The following MCF2L variants were observed in gnomAD, a reference collection of about 807,000 sequenced individuals.
MCF2L encodes MCF.2 cell line derived transforming sequence like, also known as guanine nucleotide exchange factor DBS.
Under a neutral mutation model 153.4 loss-of-function variants are expected in MCF2L, and 97 were observed. The ratio of observed to expected loss-of-function variants is 0.63; its 90% CI spans 0.54 to 0.75. The LOEUF (loss-of-function observed/expected upper bound fraction) is 0.75, where lower values mean the gene tolerates loss of function less well. MCF2L is among the 30% of genes least tolerant of loss of function. The pLI, the probability that MCF2L is intolerant of heterozygous loss-of-function variation, is 0.00. For missense variants in MCF2L, 1,347 were observed against 1,495.2 expected, an observed-to-expected ratio of 0.90 and a Z score of 1.64; for synonymous variants, 659 against 632.2, an observed-to-expected ratio of 1.04 and a Z score of -0.64.
At chr13:113,002,030 G>C in intron 1 of MCF2L, 1 of 1,503,184 alleles carries the variant, frequency 6.7e-7, no homozygotes, top group Non-Finnish European at 8.8e-7. Context: ...AGGTGTTGTG[G>C]GGCGACAGTG....
At chr13:112,984,424 G>A (rs1396361061) in intron 1 of MCF2L, among the ~76,000 whole-genome samples, 1 of 152,088 alleles carries the variant, frequency 6.6e-6, no homozygotes, top group African/African-American at 2.4e-5. Flanking sequence ...TTTTAGTAGA[G>A]ATGGAGTTTC....
At position 113,092,648 on chromosome 13, in the gene MCF2L, C is replaced by T. The variant is rs369640071; in HGVS notation, c.2954-1866C>T. 1.6e-3 allele frequency among the ~76,000 whole-genome samples: 243 copies of T among 152,370 alleles called. 1 individual carries two copies. Among genetic ancestry groups the T allele is most frequent in the African/African-American group, 5.5e-3 (227 of 41,598 alleles). On this transcript the variant is annotated intron_variant, in intron 26 of 29. Coordinates refer to ENST00000535094, the MANE Select transcript of MCF2L (RefSeq NM_001112732.3). ...TTTTACAGAAAACAGAGGGCACCTTCCTGGCCATCACCCGGCCTCCTGCCT... is the reference window on the plus strand; with the variant it reads ...TTTTACAGAAAACAGAGGGCACCTTTCTGGCCATCACCCGGCCTCCTGCCT...
At chr13:112,971,967 G>A (rs552686960) in intron 1 of MCF2L, among the ~76,000 whole-genome samples, 5 of 152,342 alleles carry the variant, frequency 3.3e-5, no homozygotes, top group African/African-American at 7.2e-5. Flanking sequence ...ATGTACATGC[G>A]TCACCTTGGG....
chr13:113,065,102 C>G lies in MCF2L; in HGVS notation c.756+17C>G. ...AAGGCGAAGGTACATGGGGGGTGCT[C>G]CGGCTGGAAGCTGTGGGGGGCTCCG... On this transcript the variant is annotated intron_variant, in intron 7 of 29. Transcript: ENST00000535094. The G allele has an allele frequency of 6.2e-7, 1 of 1,600,374 alleles. No homozygotes were observed. The highest frequency in any genetic ancestry group is 8.5e-7 in the Non-Finnish European group (1 of 1,175,086).
chr13:112,996,469 G>A (rs1349728979), intron 1 of MCF2L, among the ~76,000 whole-genome samples: 3 of 152,174 alleles, frequency 2.0e-5, no homozygotes, highest in Admixed American at 6.5e-5. Flanking sequence ...GGGCTGGGAC[G>A]GGCCAGGCTC....
intron 1 of MCF2L, among the ~76,000 whole-genome samples, chr13:112,894,731 G>A (rs2081049302): frequency 6.6e-6 from 1 of 152,218 alleles, no homozygotes; most frequent in South Asian, 2.1e-4. Context: ...GCATTGTCAC[G>A]GGGGCCCTCA....
At chr13:112,898,799 G>C (rs774255166) in intron 1 of MCF2L, among the ~76,000 whole-genome samples, 4 of 151,996 alleles carry the variant, frequency 2.6e-5, no homozygotes, top group Non-Finnish European at 5.9e-5. Flanking sequence ...TTCTCTCCTC[G>C]GGATCCCTCC....
At chr13:112,897,863 G>A (rs1381894065) in intron 1 of MCF2L, among the ~76,000 whole-genome samples, 5 of 152,188 alleles carry the variant, frequency 3.3e-5, no homozygotes, top group East Asian at 1.9e-4. Flanking sequence ...GGGGACTGGA[G>A]TGAGGGCTGC....
intron 1 of MCF2L, among the ~76,000 whole-genome samples, chr13:112,989,863 CTT>C (rs1299175130): frequency 1.3e-5 from 2 of 152,264 alleles, no homozygotes; most frequent in Non-Finnish European, 2.9e-5. Context: ...TGGAAGATAA[CTT>C]TTCCACAGAT....
intron 2 of MCF2L, among the ~76,000 whole-genome samples, chr13:112,931,066 G>A (rs6577018): frequency 0.18 from 27,375 of 152,222 alleles, 2,508 homozygotes; most frequent in South Asian, 0.23. Flanking sequence ...TCACCTGAGC[G>A]GTTCAGCGTG....
intron 1 of MCF2L, among the ~76,000 whole-genome samples, chr13:112,997,790 G>GC (rs2083200773): frequency 6.6e-6 from 1 of 152,244 alleles, no homozygotes; most frequent in African/African-American, 2.4e-5. Flanking sequence ...CGGGCCTCAG[G>GC]CCCCCCGGGT....
At position 113,082,428 on chromosome 13, in the gene MCF2L, G is replaced by C; in HGVS notation, c.1877G>C (p.Gly626Ala). The change falls in exon 17 of 30, where the codon GGC becomes GCC. Residue 626 changes from glycine (G) to alanine (A), a missense_variant and splice_region_variant. Physicochemically the swap from Gly to Ala is moderately conservative, Grantham distance 60. Transcript: ENST00000535094. The stretch of plus-strand genomic sequence containing the variant: ...CCGACCTCTGCGCTCTCCCTGCAGG[G>C]CTACGCCGCGGAGATGGATAACCCA... ...YVEELLCVLE[G>A]YAAEMDNPLM... The C allele has an allele frequency of 6.2e-7, 1 of 1,608,402 alleles. No individual in the cohort carries two copies. The highest frequency in any genetic ancestry group is 1.3e-5 in the African/African-American group (1 of 74,932).
intron 2 of MCF2L, among the ~76,000 whole-genome samples, chr13:112,920,470 T>C (rs946926075): frequency 5.3e-5 from 8 of 152,056 alleles, no homozygotes; most frequent in Non-Finnish European, 8.8e-5. Context: ...TGAGATTTGG[T>C]TAAATGCAGA....
chr13:113,088,829 C>T (rs2034898617), intron 25 of MCF2L, among the ~76,000 whole-genome samples: 1 of 152,226 alleles, frequency 6.6e-6, no homozygotes, highest in African/African-American at 2.4e-5. Flanking sequence ...TGCCCAGTCC[C>T]TCTCCAGCTC....
chr13:112,927,367 A>G lies in MCF2L; in HGVS notation c.169+24996A>G, dbSNP rs1469278925. 2.0e-5 allele frequency among the ~76,000 whole-genome samples: 3 copies of G among 152,208 alleles called. 1 individual carries two copies. Among genetic ancestry groups the G allele is most frequent in the Admixed American group, 2.0e-4 (3 of 15,280 alleles). ...AGTCCAGTGTCTTTTATCGTAAAATACATGGTTTCTAGACCTGTCCATGGA... is the reference window on the plus strand; with the variant it reads ...AGTCCAGTGTCTTTTATCGTAAAATGCATGGTTTCTAGACCTGTCCATGGA... On this transcript the variant is annotated intron_variant, in intron 2 of 29. Coordinates refer to the MCF2L transcript ENST00000375608.
rs895759204 is a variant in MCF2L, at chr13:113,088,648, C to T, written c.2834+20C>T. 8 of 1,599,768 alleles carry T rather than the reference C, an allele frequency of 5.0e-6. No individual in the cohort carries two copies. The highest frequency in any genetic ancestry group is 1.7e-5 in the Admixed American group (1 of 59,336). On this transcript the variant is annotated intron_variant, in intron 25 of 29. Transcript: ENST00000535094. ...CACCAGGTGAGAATGGACACGCTGC[C>T]GCAGGCCTGCGTTTCTGGAGCAGTC...
Position 113,035,512 on chromosome 13 carries a change from C to T in MCF2L, c.279-9759C>T, listed in dbSNP as rs1183056559. Among the ~76,000 whole-genome samples the T allele has an allele frequency of 6.6e-6, 1 of 152,180 alleles. No individual in the cohort carries two copies. The highest frequency in any genetic ancestry group is 1.5e-5 in the Non-Finnish European group (1 of 68,026). On this transcript the variant is annotated intron_variant, in intron 3 of 29. Transcript: ENST00000535094. This position sits in a 1 kb window ranked among gnomAD's most constrained non-coding sequence, Gnocchi z 4.4. ...CGATGTGCAGCTCTGGGTGTCTGATCCCTCAGGGGTCCTGTCTCCCCTCCT... is the reference window on the plus strand; with the variant it reads ...CGATGTGCAGCTCTGGGTGTCTGATTCCTCAGGGGTCCTGTCTCCCCTCCT...
chr13:112,916,663 A>C (rs554966696), intron 2 of MCF2L, among the ~76,000 whole-genome samples: 12 of 152,080 alleles, frequency 7.9e-5, no homozygotes, highest in Non-Finnish European at 1.5e-4. Flanking sequence ...AGCTGCATGA[A>C]GCGTTCCACC....
At chr13:112,982,226 C>T (rs2082458878) in intron 1 of MCF2L, among the ~76,000 whole-genome samples, 1 of 152,168 alleles carries the variant, frequency 6.6e-6, no homozygotes, top group African/African-American at 2.4e-5. Flanking sequence ...TAATGGAGGC[C>T]GTGCCCACCT....
Sources: gnomAD v4.1 joint callset for allele counts (sites outside exome capture counted in the v4.1 genomes callset) on GRCh38, gnomAD v4.1.1 for gene constraint, Gnocchi (gnomAD v3.1) non-coding constraint, MANE v1.5 for transcripts, NCBI Gene and HGNC (gene_info 2026-07-23, HGNC 2026-07-21) for gene names.